The following PPIP5K2 variants were observed in gnomAD, a reference collection of about 807,000 sequenced individuals.
PPIP5K2 encodes inositol hexakisphosphate and diphosphoinositol-pentakisphosphate kinase 2.
PPIP5K2 carries 105 observed loss-of-function variants against 154.6 expected under a neutral mutation model. That is an observed-to-expected ratio of 0.68 (90% CI 0.58 to 0.80). The LOEUF (loss-of-function observed/expected upper bound fraction) is 0.80. Among genes scored for constraint, PPIP5K2 ranks in the 30% least tolerant of loss-of-function variants. PPIP5K2 has a pLI of 0.00. For synonymous variants in PPIP5K2, 480 were observed against 490.3 expected (o/e 0.98, Z 0.28); for missense variants, 992 against 1,504.6 (o/e 0.66, Z 5.64).
intron 1 of PPIP5K2, among the ~76,000 whole-genome samples, chr5:103,126,665 G>GA (rs1789729593): frequency 6.6e-6 from 1 of 151,840 alleles, no homozygotes; most frequent in Non-Finnish European, 1.5e-5. Context: ...CTGGGAGTCT[G>GA]ATGTTTAAGA....
intron 29 of PPIP5K2, 180 bp from the exon 30 acceptor site, chr5:103,194,720 A>G: frequency 1.8e-6 from 1 of 570,446 alleles, no homozygotes; most frequent in South Asian, 2.4e-5. Context: ...TATTTGTCTA[A>G]GGCCATAACA....
At chr5:103,145,518 G>GA (rs1793611895) in intron 5 of PPIP5K2, among the ~76,000 whole-genome samples, 1 of 152,040 alleles carries the variant, frequency 6.6e-6, no homozygotes, top group African/African-American at 2.4e-5. Flanking sequence ...GATGGATAAA[G>GA]AAAATGTGGT....
chr5:103,124,170 C>T (rs1335276036), intron 1 of PPIP5K2, among the ~76,000 whole-genome samples: 1 of 151,218 alleles, frequency 6.6e-6, no homozygotes, highest in East Asian at 2.0e-4. Context: ...GTCCCAGCTA[C>T]TTGGGAGGCT....
At chr5:103,177,628 AG>A (rs782278684) in intron 21 of PPIP5K2, 38 bp from the exon 22 acceptor site, 1 of 1,404,306 alleles carries the variant, frequency 7.1e-7, no homozygotes, top group Non-Finnish European at 9.9e-7. Flanking sequence ...CAAGTAACAC[AG>A]TTTGAGAAAA....
intron 12 of PPIP5K2, 26 bp downstream of exon 12, chr5:103,154,771 AT>A (rs781918491): frequency 6.4e-7 from 1 of 1,554,226 alleles, no homozygotes. Flanking sequence ...TTCTTGTTTA[AT>A]TTTAAATTTT....
intron 2 of PPIP5K2, among the ~76,000 whole-genome samples, chr5:103,131,742 CTA>C (rs1231500257): frequency 6.6e-6 from 1 of 152,052 alleles, no homozygotes; most frequent in Non-Finnish European, 1.5e-5. Context: ...AAAGATGTGA[CTA>C]TAGTTTTTTT....
Position 103,212,101 on chromosome 5 carries a change from T to A in PPIP5K2, c.*10467T>A, listed in dbSNP as rs1554232615. 1 of 152,006 alleles carries A rather than the reference T, an allele frequency of 6.6e-6. No individual in the cohort carries two copies. The highest frequency in any genetic ancestry group is 2.4e-5 in the African/African-American group (1 of 41,392). 9.4% of individuals were successfully genotyped at this position (152,006 alleles called of 1,614,324 possible). ...GGGAAGAGATAAACAGGGGGTTAGG[T>A]TGTAGATTATATGCATGACAGATTG... is the stretch of plus-strand genomic sequence containing the variant. On this transcript the variant is annotated 3_prime_UTR_variant, in exon 31 of 31. Coordinates refer to ENST00000358359, the MANE Select transcript of PPIP5K2 (RefSeq NM_001276277.3).
At chr5:103,179,984 C>G in intron 23 of PPIP5K2, 37 bp from the exon 24 acceptor site, 2 of 1,474,150 alleles carry the variant, frequency 1.4e-6, no homozygotes, top group Non-Finnish European at 1.8e-6. Context: ...TTTCTTAAAT[C>G]TGAATAGTAA....
intron 25 of PPIP5K2, 76 bp downstream of exon 25, chr5:103,183,483 T>A: frequency 2.4e-6 from 3 of 1,230,786 alleles, no homozygotes; most frequent in Non-Finnish European, 3.5e-6. Flanking sequence ...TGAGGACATC[T>A]AATCCCTTGT....
Position 103,177,985 on chromosome 5 carries a change from T to C in PPIP5K2, c.2754+5T>C. 6.4e-7 allele frequency: 1 copy of C among 1,552,950 alleles called. No homozygotes were observed. Among genetic ancestry groups the C allele is most frequent in the Non-Finnish European group, 8.9e-7 (1 of 1,124,868 alleles). On this transcript the variant is annotated splice_donor_5th_base_variant and intron_variant, in intron 23 of 30. Transcript: ENST00000358359. Reference sequence around the variant, plus strand: ...TATAGACCAGCTTCCAGAGAGGTAATGAAGGTGGAACTCTCAGTGCTTAGT... The same window carrying C: ...TATAGACCAGCTTCCAGAGAGGTAACGAAGGTGGAACTCTCAGTGCTTAGT...
intron 17 of PPIP5K2, among the ~76,000 whole-genome samples, chr5:103,161,659 G>A (rs1305995831): frequency 6.6e-6 from 1 of 152,264 alleles, no homozygotes; most frequent in Admixed American, 6.5e-5. Flanking sequence ...ATTCTAACTG[G>A]TGTGAGATGG....
In PPIP5K2 at chr5:103,191,853, A is replaced by G. The variant is rs76512937; in HGVS notation, c.3493+871A>G. 4.9e-3 allele frequency among the ~76,000 whole-genome samples: 744 copies of G among 152,128 alleles called. 6 individuals carry two copies. Among genetic ancestry groups the G allele is most frequent in the African/African-American group, 0.016 (657 of 41,510 alleles). On this transcript the variant is annotated intron_variant, in intron 29 of 30. Transcript: ENST00000358359. ...TGCTTTGCTTAGAGCTAAGAATCTT[A>G]CTATTCTAGTCATATCTTAGAAAGT...
intron 9 of PPIP5K2, among the ~76,000 whole-genome samples, chr5:103,152,263 A>C (rs1794751303): frequency 6.6e-6 from 1 of 151,962 alleles, no homozygotes; most frequent in Non-Finnish European, 1.5e-5. Context: ...TAAGATGAAC[A>C]CAATATTTAG....
intron 21 of PPIP5K2, 66 bp from the exon 22 acceptor site, chr5:103,177,601 G>T: frequency 9.4e-7 from 1 of 1,062,806 alleles, no homozygotes; most frequent in South Asian, 1.5e-5. Context: ...CTACCATAGT[G>T]ACAATAAAGT....
In PPIP5K2 at chr5:103,211,646, TA is replaced by T. The variant is rs1803815071; in HGVS notation, c.*10014del. 6.6e-6 allele frequency: 1 copy of T among 152,158 alleles called. No individual in the cohort carries two copies. The highest frequency in any genetic ancestry group is 1.5e-5 in the Non-Finnish European group (1 of 67,986). 9.4% of individuals were successfully genotyped at this position (152,158 alleles called of 1,614,324 possible). ...TTAATCTTGCCATTAACCCCATAGT[TA>T]ATCATATGCATTTCTCACAGTGACC... On this transcript the variant is annotated 3_prime_UTR_variant, in exon 31 of 31. Transcript: ENST00000358359.
At chr5:103,189,168 A>G (rs1378464261) in intron 28 of PPIP5K2, 23 of 1,527,988 alleles carry the variant, frequency 1.5e-5, no homozygotes, top group Non-Finnish European at 2.0e-5. Flanking sequence ...TCTGTGCAGA[A>G]CACCTACACC....
At chr5:103,193,963 G>A (rs1446950125) in intron 29 of PPIP5K2, among the ~76,000 whole-genome samples, 18 of 152,204 alleles carry the variant, frequency 1.2e-4, no homozygotes, top group Non-Finnish European at 2.4e-4. Flanking sequence ...AAACCGGAAA[G>A]ACTCAACTTT....
intron 24 of PPIP5K2, among the ~76,000 whole-genome samples, chr5:103,180,939 T>C (rs989789931): frequency 2.0e-5 from 3 of 152,024 alleles, no homozygotes; most frequent in Admixed American, 6.6e-5. Context: ...AATGAAATTC[T>C]AAATTGTTAG....
intron 25 of PPIP5K2, 49 bp from the exon 26 acceptor site, chr5:103,184,623 T>C (rs376414403): frequency 1.7e-4 from 238 of 1,429,268 alleles, no homozygotes; most frequent in Non-Finnish European, 2.1e-4. Flanking sequence ...TATAGACTTA[T>C]GAATTTATTT....
Sources: gnomAD v4.1 joint callset for allele counts (sites outside exome capture counted in the v4.1 genomes callset) on GRCh38, gnomAD v4.1.1 for gene constraint, MANE v1.5 for transcripts, NCBI Gene and HGNC (gene_info 2026-07-23, HGNC 2026-07-21) for gene names.